MAP3K5: variants seen among roughly 807,000 people sequenced by gnomAD.
The protein encoded by MAP3K5 is ASK-1.
A neutral mutation model predicts 158.7 loss-of-function variants in MAP3K5; 56 were observed. That is an observed-to-expected ratio of 0.35 (90% CI 0.28 to 0.44). The LOEUF (loss-of-function observed/expected upper bound fraction) is 0.44. Ranked by LOEUF, MAP3K5 falls within the 20% of genes least tolerant of loss-of-function variation. The probability of loss-of-function intolerance (pLI) is 1.00; values close to 1 mark genes in which losing one functional copy is unlikely to be tolerated. For synonymous variants in MAP3K5, 579 were observed against 601.7 expected (o/e 0.96, Z 0.55); for missense variants, 1,294 against 1,674.8 (o/e 0.77, Z 3.97).
chr6:136,579,119 T>C (rs1279865932), intron 25 of MAP3K5, among the ~76,000 whole-genome samples: 4 of 152,122 alleles, frequency 2.6e-5, no homozygotes, highest in Non-Finnish European at 5.9e-5. Flanking sequence ...CAATAGAACA[T>C]GTTTCTAATT....
At chr6:136,648,890 C>A (rs1042202400) in intron 11 of MAP3K5, among the ~76,000 whole-genome samples, 1 of 152,238 alleles carries the variant, frequency 6.6e-6, no homozygotes, top group Non-Finnish European at 1.5e-5. Flanking sequence ...TGGTGGTTCA[C>A]ATACGTGAGG....
At chr6:136,619,116 C>T (rs538245822) in intron 15 of MAP3K5, among the ~76,000 whole-genome samples, 1 of 152,284 alleles carries the variant, frequency 6.6e-6, no homozygotes, top group East Asian at 1.9e-4. Flanking sequence ...GAGCTGGGAC[C>T]GGACACAGTG....
chr6:136,640,154 G>A (rs904820847), intron 12 of MAP3K5, among the ~76,000 whole-genome samples: 21 of 152,184 alleles, frequency 1.4e-4, no homozygotes, highest in African/African-American at 4.6e-4. Context: ...CTGACTTTAC[G>A]GCAATATGAA....
intron 7 of MAP3K5, among the ~76,000 whole-genome samples, chr6:136,683,490 A>C (rs1025360128): frequency 8.5e-5 from 13 of 152,222 alleles, no homozygotes; most frequent in Non-Finnish European, 1.8e-4. Flanking sequence ...GATGTCTTTC[A>C]GCTGCTGGTT....
chr6:136,759,454 CTATA>C (rs570186848), intron 1 of MAP3K5, among the ~76,000 whole-genome samples: 1,796 of 98,118 alleles, frequency 0.018, 72 homozygotes, highest in African/African-American at 0.064. Flanking sequence ...TATACTAAAA[CTATA>C]TATATATATA....
At chr6:136,579,752 C>A in intron 25 of MAP3K5, 1 of 453,520 alleles carries the variant, frequency 2.2e-6, no homozygotes, top group East Asian at 7.0e-5. Flanking sequence ...TGCAAAATCT[C>A]TGTATCTTCC....
At chr6:136,764,127 C>T (rs542422596) in intron 1 of MAP3K5, among the ~76,000 whole-genome samples, 3 of 152,282 alleles carry the variant, frequency 2.0e-5, no homozygotes, top group African/African-American at 7.2e-5. Context: ...ATGTGCACAC[C>T]CAGATGACAT....
chr6:136,770,908 A>T (rs1291798092), intron 1 of MAP3K5, among the ~76,000 whole-genome samples: 2 of 152,340 alleles, frequency 1.3e-5, no homozygotes, highest in South Asian at 4.1e-4. Context: ...GGAAAAATAT[A>T]ATAAATTTTT....
intron 9 of MAP3K5, among the ~76,000 whole-genome samples, chr6:136,657,280 G>C (rs1044742839): frequency 9.2e-5 from 14 of 152,310 alleles, no homozygotes; most frequent in East Asian, 7.7e-4. Context: ...GATAATTATA[G>C]GTGATAATGG....
chr6:136,611,290 G>C lies in MAP3K5; in HGVS notation c.2513C>G (p.Thr838Ser). The change falls in exon 18 of 30, where the codon ACT becomes AGT. Residue 838 changes from threonine (T) to serine (S), a missense_variant. Thr to Ser is a moderately conservative substitution (Grantham distance 58, BLOSUM62 1). Around this residue, in one of 5 missense-constraint regions of MAP3K5, gnomAD observed 362 missense variants for 463.2 expected, o/e 0.78. Transcript: ENST00000359015. ...TCATTGCAAAAACATACCAGTAAAA[G>C]TTTCAGTACAGGGGTTTATGCCAGC... Reference protein sequence around the residue: ...RLAGINPCTETFTGTLQYMAP... With the variant: ...RLAGINPCTESFTGTLQYMAP... 1 of 1,607,206 alleles carries C rather than the reference G, an allele frequency of 6.2e-7. No individual in the cohort carries two copies. The highest frequency in any genetic ancestry group is 1.7e-4 in the Middle Eastern group (1 of 6,032).
intron 1 of MAP3K5, among the ~76,000 whole-genome samples, chr6:136,732,602 C>G (rs1475510374): frequency 6.6e-6 from 1 of 152,218 alleles, no homozygotes; most frequent in Non-Finnish European, 1.5e-5. Flanking sequence ...CCAGGGACAG[C>G]TGAAACACGC....
At chr6:136,648,845 C>T (rs963907489) in intron 11 of MAP3K5, among the ~76,000 whole-genome samples, 1 of 152,204 alleles carries the variant, frequency 6.6e-6, no homozygotes, top group Admixed American at 6.5e-5. Flanking sequence ...AGATTATGGA[C>T]ATGCTGTGTT....
In MAP3K5 at chr6:136,694,326, T is replaced by A; in HGVS notation, c.1083-16A>T. 1 of 1,600,968 alleles carries A rather than the reference T, an allele frequency of 6.2e-7. No individual in the cohort carries two copies. ...GAGATTTCTCCTAAGGCAGAAAACATTGTTGTTTCAATATACATTACAGAA... is the reference window on the plus strand; with the variant it reads ...GAGATTTCTCCTAAGGCAGAAAACAATGTTGTTTCAATATACATTACAGAA... On this transcript the variant is annotated splice_polypyrimidine_tract_variant and intron_variant, in intron 6 of 29. Transcript: ENST00000359015.
intron 23 of MAP3K5, 93 bp from the exon 24 acceptor site, chr6:136,583,833 T>C (rs933395515): frequency 2.4e-6 from 3 of 1,254,038 alleles, no homozygotes; most frequent in Non-Finnish European, 3.3e-6. Context: ...CCCACATTTT[T>C]TTTTCTTTTG....
chr6:136,732,409 A>G (rs1049903628), intron 1 of MAP3K5, among the ~76,000 whole-genome samples: 7 of 152,192 alleles, frequency 4.6e-5, no homozygotes, highest in Non-Finnish European at 1.0e-4. Flanking sequence ...TGGGTGACAG[A>G]GCGAGGCTCC....
intron 1 of MAP3K5, among the ~76,000 whole-genome samples, chr6:136,755,689 CAA>C (rs772339028): frequency 2.3e-4 from 11 of 48,222 alleles, no homozygotes; most frequent in East Asian, 7.7e-4. Flanking sequence ...ACTCTGTCTC[CAA>C]AAAAAAAAAA....
chr6:136,695,749 C>T (rs566570655), intron 6 of MAP3K5, among the ~76,000 whole-genome samples: 95 of 152,126 alleles, frequency 6.2e-4, no homozygotes, highest in African/African-American at 2.2e-3. Flanking sequence ...CAACAGTGTG[C>T]GACTTTTTTT....
chr6:136,690,986 G>A (rs1010444522), intron 7 of MAP3K5, among the ~76,000 whole-genome samples: 1 of 151,892 alleles, frequency 6.6e-6, no homozygotes, highest in Non-Finnish European at 1.5e-5. Context: ...GCTTGATTGG[G>A]TTTTTTTCTT....
In MAP3K5 at chr6:136,752,800, GA is replaced by G. The variant is rs1783275718; in HGVS notation, c.449-32212del. Among the ~76,000 whole-genome samples, 3 of 152,224 alleles carry G rather than the reference GA, an allele frequency of 2.0e-5. No individual in the cohort carries two copies. The South Asian group carries it at 6.2e-4, about 32-fold the overall frequency. On this transcript the variant is annotated intron_variant, in intron 1 of 29. Transcript: ENST00000359015. The stretch of plus-strand genomic sequence containing the variant: ...CAGTTATGCAAAAGCACAGAGCTGT[GA>G]AAGGGCAGAAGTTCAGCGTGGCTGG...
Sources: gnomAD v4.1 joint callset for allele counts (sites outside exome capture counted in the v4.1 genomes callset) on GRCh38, gnomAD v4.1.1 for gene constraint, gnomAD v4.1.1 regional missense constraint, MANE v1.5 for transcripts, NCBI Gene and HGNC (gene_info 2026-07-23, HGNC 2026-07-21) for gene names.